CYP7B1: variants seen among roughly 807,000 people sequenced by gnomAD.
The protein encoded by CYP7B1 is cytochrome P450 7B1.
A neutral mutation model predicts 42.7 loss-of-function variants in CYP7B1; 29 were observed. The observed-to-expected ratio is 0.68, with a 90% CI of 0.51 to 0.93. CYP7B1 has a LOEUF of 0.93. CYP7B1 is among the 40% of genes least tolerant of loss of function. The probability of loss-of-function intolerance (pLI) is 0.00; values close to 1 mark genes in which losing one functional copy is unlikely to be tolerated. For missense variants in CYP7B1, 655 were observed against 600.5 expected, an observed-to-expected ratio of 1.09 and a Z score of -0.95; for synonymous variants, 235 against 218.2, an observed-to-expected ratio of 1.08 and a Z score of -0.68.
chr8:64,775,241 C>G (rs1804305100), intron 1 of CYP7B1, among the ~76,000 whole-genome samples: 1 of 152,142 alleles, frequency 6.6e-6, no homozygotes, highest in Non-Finnish European at 1.5e-5. Context: ...CTCTAGGATT[C>G]AGCATCTTGT....
chr8:64,775,832 G>A (rs1212766730), intron 1 of CYP7B1, among the ~76,000 whole-genome samples: 1 of 152,094 alleles, frequency 6.6e-6, no homozygotes, highest in Non-Finnish European at 1.5e-5. Flanking sequence ...ATTTCACATA[G>A]CAGAAATGTA....
intron 1 of CYP7B1, among the ~76,000 whole-genome samples, chr8:64,628,961 C>T (rs139642916): frequency 6.6e-6 from 1 of 152,002 alleles, no homozygotes; most frequent in African/African-American, 2.4e-5. Context: ...GGCACAGTGG[C>T]TCACGCCTGT....
chr8:64,590,719 C>T (rs1049132110), downstream of CYP7B1, among the ~76,000 whole-genome samples: 3 of 151,870 alleles, frequency 2.0e-5, no homozygotes, highest in Non-Finnish European at 4.4e-5. Context: ...TATATGTGTA[C>T]GGGGGCAAGA....
rs372351400 is a variant in CYP7B1 at position 64,641,706 on chromosome 8, T to C, written c.123-17167A>G. Among the ~76,000 whole-genome samples the C allele has an allele frequency of 4.6e-5, 7 of 152,298 alleles. 1 individual carries two copies. The highest frequency in any genetic ancestry group is 1.4e-4 in the African/African-American group (6 of 41,558). On this transcript the variant is annotated intron_variant, in intron 1 of 5. Coordinates refer to ENST00000310193, the MANE Select transcript of CYP7B1 (RefSeq NM_004820.5). ...TTTCTCCGGGTAAAAGCATTATTAA[T>C]TGATGTCCCATGGGTACCAAGCTTA...
chr8:64,735,847 G>C (rs926695717), intron 1 of CYP7B1, among the ~76,000 whole-genome samples: 1 of 152,110 alleles, frequency 6.6e-6, no homozygotes, highest in Non-Finnish European at 1.5e-5. Context: ...TAGTGTATCT[G>C]TCTCCACAGT....
At chr8:64,675,029 G>A (rs925721050) in intron 1 of CYP7B1, among the ~76,000 whole-genome samples, 1 of 152,028 alleles carries the variant, frequency 6.6e-6, no homozygotes, top group Non-Finnish European at 1.5e-5. Flanking sequence ...GTTTCATAGG[G>A]TGGTAAGTTA....
At position 64,595,052 on chromosome 8, in the gene CYP7B1, G is replaced by A. The variant is rs563055084; in HGVS notation, c.*1590C>T. Among the ~76,000 whole-genome samples the A allele has an allele frequency of 7.2e-5, 11 of 152,298 alleles. No homozygotes were observed. The South Asian group carries it at 8.3e-4, about 11-fold the overall frequency. On this transcript the variant is annotated 3_prime_UTR_variant, in exon 6 of 6. Coordinates refer to ENST00000310193, the MANE Select transcript of CYP7B1 (RefSeq NM_004820.5). ...CTATTGAGTAATTAAACTCACTAAC[G>A]GCTATCCGCCCAATAACAACAATGG...
chr8:64,618,733 G>T (rs1359107904), intron 2 of CYP7B1, among the ~76,000 whole-genome samples: 1 of 152,054 alleles, frequency 6.6e-6, no homozygotes, highest in Admixed American at 6.6e-5. Context: ...TGGACAAAAT[G>T]GTTCAAGTTA....
chr8:64,719,385 G>A (rs1807205024), intron 1 of CYP7B1, among the ~76,000 whole-genome samples: 1 of 152,128 alleles, frequency 6.6e-6, no homozygotes, highest in Non-Finnish European at 1.5e-5. Flanking sequence ...TAAGTTAATT[G>A]TCTGTCAAGA....
chr8:64,588,663 G>A (rs1228833094), downstream of CYP7B1, among the ~76,000 whole-genome samples: 2 of 152,198 alleles, frequency 1.3e-5, no homozygotes, highest in Non-Finnish European at 2.9e-5. Flanking sequence ...GATTATGAGA[G>A]AGACTCAGTT....
At chr8:64,729,946 T>C (rs1453682308) in intron 1 of CYP7B1, among the ~76,000 whole-genome samples, 1 of 152,242 alleles carries the variant, frequency 6.6e-6, no homozygotes, top group Non-Finnish European at 1.5e-5. Flanking sequence ...GTGAATCTAG[T>C]CTTTTGAATG....
intron 1 of CYP7B1, among the ~76,000 whole-genome samples, chr8:64,655,172 G>A (rs533648790): frequency 4.9e-4 from 74 of 152,118 alleles, no homozygotes; most frequent in African/African-American, 1.7e-3. Context: ...TTGACAAACA[G>A]GATCTAAGTA....
At chr8:64,781,887 C>T (rs1469218878) in intron 1 of CYP7B1, among the ~76,000 whole-genome samples, 1 of 152,148 alleles carries the variant, frequency 6.6e-6, no homozygotes, top group Admixed American at 6.5e-5. Context: ...AGCACAGCAC[C>T]TTAATCTTTT....
chr8:64,593,724 A>G lies in CYP7B1; in HGVS notation c.*2918T>C, dbSNP rs549209817. Among the ~76,000 whole-genome samples, 28 of 152,322 alleles carry G rather than the reference A, an allele frequency of 1.8e-4. No individual in the cohort carries two copies. The highest frequency in any genetic ancestry group is 6.5e-4 in the African/African-American group (27 of 41,574). ...CCATTCCTGGTAACAGTGACAGCAA[A>G]ACACATAAACTACAGAATTAGATCC... is the stretch of plus-strand genomic sequence containing the variant. On this transcript the variant is annotated 3_prime_UTR_variant, in exon 6 of 6. Coordinates refer to ENST00000310193, the MANE Select transcript of CYP7B1 (RefSeq NM_004820.5).
At chr8:64,598,461 A>G (rs1016736127) in intron 5 of CYP7B1, among the ~76,000 whole-genome samples, 9 of 152,056 alleles carry the variant, frequency 5.9e-5, no homozygotes, top group African/African-American at 2.2e-4. Flanking sequence ...TCCTCTATCT[A>G]CCTAACCCAA....
intron 1 of CYP7B1, among the ~76,000 whole-genome samples, chr8:64,697,848 T>C (rs1481717133): frequency 1.3e-5 from 2 of 152,182 alleles, no homozygotes; most frequent in African/African-American, 4.8e-5. Flanking sequence ...TCAGAGTCAA[T>C]ACAAACCAAA....
chr8:64,612,666 C>T (rs1161926513), intron 4 of CYP7B1, among the ~76,000 whole-genome samples: 2 of 152,118 alleles, frequency 1.3e-5, no homozygotes, highest in East Asian at 3.9e-4. Flanking sequence ...TTTCTCTTTA[C>T]TGTAATAGTG....
intron 1 of CYP7B1, among the ~76,000 whole-genome samples, chr8:64,763,066 T>G (rs1054026342): frequency 6.6e-6 from 1 of 152,168 alleles, no homozygotes; most frequent in African/African-American, 2.4e-5. Flanking sequence ...CGAGCTGAGC[T>G]TTCGCTGGCC....
At chr8:64,692,820 T>TATGA (rs1423551699) in intron 1 of CYP7B1, among the ~76,000 whole-genome samples, 1 of 152,256 alleles carries the variant, frequency 6.6e-6, no homozygotes, top group African/African-American at 2.4e-5. Context: ...TGAATGTATG[T>TATGA]ATGAATGAAT....
Sources: allele counts gnomAD v4.1 joint callset (sites outside exome capture counted in the v4.1 genomes callset), GRCh38; gene constraint gnomAD v4.1.1; transcripts MANE v1.5; gene names NCBI Gene and HGNC (gene_info 2026-07-23, HGNC 2026-07-21).